CHST8: variants seen among roughly 807,000 people sequenced by gnomAD.
CHST8 encodes GALNAC-4-ST1.
In CHST8, 10 loss-of-function variants were observed where a neutral mutation model predicts 15.0. The observed-to-expected ratio is 0.67, with a 90% confidence interval of 0.41 to 1.13. CHST8 has a LOEUF of 1.13. Among genes scored for constraint, CHST8 ranks in the 50% most tolerant of loss-of-function variants. CHST8 has a pLI of 0.00. For synonymous variants in CHST8, 259 were observed against 256.6 expected (o/e 1.01, Z -0.09); for missense variants, 634 against 608.2 (o/e 1.04, Z -0.45).
chr19:33,751,625 G>A (rs73926601), intron 3 of CHST8, among the ~76,000 whole-genome samples: 34 of 152,274 alleles, frequency 2.2e-4, no homozygotes, highest in Admixed American at 5.2e-4. Flanking sequence ...CACCGTCCCC[G>A]GGCACTGGCA....
At chr19:33,765,966 G>A (rs1174310747) in intron 3 of CHST8, among the ~76,000 whole-genome samples, 1 of 152,130 alleles carries the variant, frequency 6.6e-6, no homozygotes, top group Admixed American at 6.5e-5. Context: ...TTGTAGGCCT[G>A]AAGAGAAAAG....
chr19:33,717,395 A>T (rs1973683313), intron 3 of CHST8, among the ~76,000 whole-genome samples: 1 of 151,820 alleles, frequency 6.6e-6, no homozygotes, highest in Admixed American at 6.6e-5. Context: ...CAGGAGGCAG[A>T]GGTTGCAGTG....
At chr19:33,756,182 G>A (rs1223330154) in intron 3 of CHST8, among the ~76,000 whole-genome samples, 5 of 152,168 alleles carry the variant, frequency 3.3e-5, no homozygotes, top group Non-Finnish European at 7.3e-5. Context: ...CTGTGATGAT[G>A]GCCAATTCCA....
rs371068834 is a variant in CHST8 at position 33,752,466 on chromosome 19, TTAA to T, written c.131-18945_131-18943del. On this transcript the variant is annotated intron_variant, in intron 3 of 4. Transcript: ENST00000650847. ...GGAAGTATATATTAACTGATTAATA[TTAA>T]TGTGTTGGCCGATTAATATTCATAT... 4.9e-4 allele frequency among the ~76,000 whole-genome samples: 74 copies of T among 152,364 alleles called. 1 individual carries two copies. In the East Asian group the frequency reaches 0.013, roughly 27 times the overall value.
Position 33,772,246 on chromosome 19 carries a change from A to G in CHST8, c.458A>G (p.Gln153Arg). 1 of 1,599,476 alleles carries G rather than the reference A, an allele frequency of 6.3e-7. No individual in the cohort carries two copies. Among genetic ancestry groups the G allele is most frequent in the Non-Finnish European group, 8.5e-7 (1 of 1,177,782 alleles). The change falls in exon 5 of 5, where the codon CAG becomes CGG. Residue 153 changes from glutamine to arginine, a missense_variant. Gln to Arg is a conservative substitution (Grantham distance 43, BLOSUM62 1). Coordinates refer to ENST00000650847, the MANE Select transcript of CHST8 (RefSeq NM_001127895.2). ...DGRWVSLHRSQQERKRVMQEA... is the reference protein window; with the variant it reads ...DGRWVSLHRSRQERKRVMQEA... ...CGCTGGGTCAGCCTGCACCGGAGCC[A>G]GCAGGAGCGCAAGCGGGTGATGCAG...
chr19:33,646,686 G>A (rs114792713), intron 1 of CHST8, among the ~76,000 whole-genome samples: 2,588 of 152,298 alleles, frequency 0.017, 60 homozygotes, highest in African/African-American at 0.056. Flanking sequence ...GGCTGAGGCC[G>A]GCAGATCAGT....
At chr19:33,689,719 A>G (rs1346212173) in intron 3 of CHST8, among the ~76,000 whole-genome samples, 2 of 152,170 alleles carry the variant, frequency 1.3e-5, no homozygotes, top group Non-Finnish European at 2.9e-5. Flanking sequence ...CCTCTTCCAC[A>G]TTGTCAGGGA....
In CHST8 at chr19:33,772,013, C is replaced by T; in HGVS notation, c.225C>T (p.Val75=). 6.2e-7 allele frequency: 1 copy of T among 1,605,546 alleles called. No homozygotes were observed. The highest frequency in any genetic ancestry group is 8.5e-7 in the Non-Finnish European group (1 of 1,177,196). ...ACTTGAAGGAACCCACAGAGAGGGTCACTCGGGACTTATCCAGTGGGGCCC... is the reference window on the plus strand; with the variant it reads ...ACTTGAAGGAACCCACAGAGAGGGTTACTCGGGACTTATCCAGTGGGGCCC... The part of the protein sequence containing the change: ...DGDLKEPTER[V]TRDLSSGAPR... Residue 75 remains valine, a synonymous_variant, in exon 5 of 5, where the codon GTC becomes GTT. Coordinates refer to ENST00000650847, the MANE Select transcript of CHST8 (RefSeq NM_001127895.2).
At chr19:33,656,500 C>G (rs1219112662) in intron 1 of CHST8, among the ~76,000 whole-genome samples, 2 of 152,046 alleles carry the variant, frequency 1.3e-5, no homozygotes, top group Non-Finnish European at 2.9e-5. Context: ...TACATTGTAA[C>G]CTGGTATTTG....
rs149677478 is a variant in CHST8, at chr19:33,736,565, C to T, written c.131-34848C>T. Among the ~76,000 whole-genome samples, 11 of 152,196 alleles carry T rather than the reference C, an allele frequency of 7.2e-5. No homozygotes were observed. In the East Asian group the frequency reaches 1.5e-3, roughly 21 times the overall value. ...CATAGCCTGGTGCCTGCCAGGCCAACGGGGGTGACTACTTATCCAGCAGAT... is the reference window on the plus strand; with the variant it reads ...CATAGCCTGGTGCCTGCCAGGCCAATGGGGGTGACTACTTATCCAGCAGAT... On this transcript the variant is annotated intron_variant, in intron 3 of 4. Coordinates refer to ENST00000650847, the MANE Select transcript of CHST8 (RefSeq NM_001127895.2).
At chr19:33,654,015 A>G (rs146261387) in intron 1 of CHST8, among the ~76,000 whole-genome samples, 21 of 152,202 alleles carry the variant, frequency 1.4e-4, no homozygotes, top group Admixed American at 3.9e-4. Context: ...CTCTCATTCT[A>G]TTCTCTTCCT....
rs764495615 is a variant in CHST8 at position 33,772,644 on chromosome 19, G to C, written c.856G>C (p.Ala286Pro). 6.8e-6 allele frequency: 11 copies of C among 1,613,930 alleles called. No individual in the cohort carries two copies. The highest frequency in any genetic ancestry group is 9.3e-6 in the Non-Finnish European group (11 of 1,180,030). ...NSYYHPVFGK[A>P]ILARYRANAS... is the part of the protein sequence containing the mutation. ...CTACTATCACCCGGTCTTCGGCAAG[G>C]CCATCCTGGCCCGGTACCGCGCCAA... Residue 286 changes from alanine to proline, a missense_variant, in exon 5 of 5, where the codon GCC (alanine) becomes CCC (proline). By Grantham distance (27) the Ala-to-Pro change is conservative. Transcript: ENST00000650847.
chr19:33,756,255 C>G lies in CHST8; in HGVS notation c.131-15158C>G, dbSNP rs184538589. On this transcript the variant is annotated intron_variant, in intron 3 of 4. Coordinates refer to ENST00000650847, the MANE Select transcript of CHST8 (RefSeq NM_001127895.2). Reference sequence around the variant, plus strand: ...AGTGTTTACATCTACTTAATATTCTCGTGCTCAGAGCTAACGAGGCTGGCG... The same window carrying G: ...AGTGTTTACATCTACTTAATATTCTGGTGCTCAGAGCTAACGAGGCTGGCG... Among the ~76,000 whole-genome samples the G allele has an allele frequency of 8.5e-5, 13 of 152,310 alleles. No homozygotes were observed. The East Asian group carries it at 2.1e-3, about 25-fold the overall frequency.
chr19:33,735,847 A>C (rs1974073353), intron 3 of CHST8, among the ~76,000 whole-genome samples: 1 of 152,134 alleles, frequency 6.6e-6, no homozygotes, highest in African/African-American at 2.4e-5. Context: ...AAACAAACCA[A>C]AATCACATTC....
chr19:33,772,020 G>T lies in CHST8; in HGVS notation c.232G>T (p.Asp78Tyr), dbSNP rs1454083894. 6.2e-7 allele frequency: 1 copy of T among 1,610,980 alleles called. No individual in the cohort carries two copies. The highest frequency in any genetic ancestry group is 8.5e-7 in the Non-Finnish European group (1 of 1,179,190). ...LKEPTERVTR[D>Y]LSSGAPRGRN... ...GGAACCCACAGAGAGGGTCACTCGG[G>T]ACTTATCCAGTGGGGCCCCGAGGGG... The change falls in exon 5 of 5, where the codon GAC becomes TAC. Residue 78 changes from aspartate (D) to tyrosine (Y), a missense_variant. Physicochemically the swap from Asp to Tyr is radical, Grantham distance 160. Coordinates refer to ENST00000650847, the MANE Select transcript of CHST8 (RefSeq NM_001127895.2).
chr19:33,622,684 C>A (rs886277172), intron 1 of CHST8, among the ~76,000 whole-genome samples: 4 of 152,074 alleles, frequency 2.6e-5, no homozygotes, highest in Non-Finnish European at 2.9e-5. Flanking sequence ...CAGGCAGGAG[C>A]GCTCGGGGCG....
At chr19:33,668,244 G>A (rs1972688337) in intron 2 of CHST8, among the ~76,000 whole-genome samples, 1 of 152,226 alleles carries the variant, frequency 6.6e-6, no homozygotes, top group Admixed American at 6.5e-5. Flanking sequence ...TTGCATCTGT[G>A]TGATTGTTGC....
chr19:33,727,296 A>T (rs893930622), intron 3 of CHST8, among the ~76,000 whole-genome samples: 7 of 152,118 alleles, frequency 4.6e-5, no homozygotes, highest in Non-Finnish European at 7.4e-5. Context: ...GCGCAGGACC[A>T]CAACTTGTGC....
chr19:33,744,118 C>A lies in CHST8; in HGVS notation c.131-27295C>A, dbSNP rs1342497007. 2.0e-5 allele frequency among the ~76,000 whole-genome samples: 3 copies of A among 152,230 alleles called. No individual in the cohort carries two copies. In the East Asian group the frequency reaches 5.8e-4, roughly 29 times the overall value. ...TCTGATCTCTTGTCTACCCCGCACA[C>A]CCTGCCCCAGCGTCAAGGTCTATGT... On this transcript the variant is annotated intron_variant, in intron 3 of 4. Coordinates refer to ENST00000650847, the MANE Select transcript of CHST8 (RefSeq NM_001127895.2).
Sources: allele counts gnomAD v4.1 joint callset (sites outside exome capture counted in the v4.1 genomes callset), GRCh38; gene constraint gnomAD v4.1.1; transcripts MANE v1.5; gene names NCBI Gene and HGNC (gene_info 2026-07-23, HGNC 2026-07-21).